Variants in REL observed in about 807,000 individuals in gnomAD.
REL encodes proto-oncogene c-Rel.
A neutral mutation model predicts 45.9 loss-of-function variants in REL; 15 were observed. That is an observed-to-expected ratio of 0.33 (90% confidence interval 0.22 to 0.50). REL has a LOEUF of 0.50. Ranked by LOEUF, REL falls within the 20% of genes least tolerant of loss-of-function variation. REL has a pLI of 0.98. For synonymous variants in REL, 239 were observed against 242.1 expected (o/e 0.99, Z 0.12); for missense variants, 601 against 715.2 (o/e 0.84, Z 1.82).
intron 2 of REL, among the ~76,000 whole-genome samples, chr2:60,893,905 C>T (rs1195720336): frequency 6.6e-6 from 1 of 152,072 alleles, no homozygotes; most frequent in East Asian, 1.9e-4. Flanking sequence ...GATTTATTGC[C>T]TATTCTAGAG....
intron 1 of REL, among the ~76,000 whole-genome samples, chr2:60,883,341 A>G (rs1235591690): frequency 6.6e-6 from 1 of 152,220 alleles, no homozygotes; most frequent in Non-Finnish European, 1.5e-5. Context: ...GGTGTTTCAC[A>G]TGACATTTGA....
intron 1 of REL, among the ~76,000 whole-genome samples, chr2:60,890,101 C>G (rs979056373): frequency 2.0e-5 from 3 of 152,216 alleles, no homozygotes; most frequent in Non-Finnish European, 4.4e-5. Context: ...CACATCCTCT[C>G]CAGCACCTGT....
chr2:60,910,287 A>C (rs944345620), intron 4 of REL, among the ~76,000 whole-genome samples: 3 of 151,792 alleles, frequency 2.0e-5, no homozygotes, highest in African/African-American at 7.3e-5. Flanking sequence ...AACAGGGTGA[A>C]ACTCCGTCTC....
chr2:60,899,965 A>G (rs1336874355), intron 3 of REL: 2 of 152,270 alleles, frequency 1.3e-5, no homozygotes, highest in African/African-American at 4.8e-5. Context: ...CACAAAACAT[A>G]TTCTACTGCT....
chr2:60,916,818 T>G, intron 4 of REL, 59 bp from the exon 5 acceptor site: 1 of 1,259,544 alleles, frequency 7.9e-7, no homozygotes, highest in Middle Eastern at 2.2e-4. Flanking sequence ...GAGGAGGACC[T>G]AGCAAGTCTT....
intron 3 of REL, chr2:60,900,294 C>T (rs1037209926): frequency 1.3e-5 from 2 of 152,302 alleles, no homozygotes; most frequent in Non-Finnish European, 2.9e-5. Context: ...CTGTGGGCTT[C>T]AACCTGTGAA....
intron 4 of REL, among the ~76,000 whole-genome samples, chr2:60,910,407 G>A (rs1673778969): frequency 6.6e-6 from 1 of 150,802 alleles, no homozygotes; most frequent in Non-Finnish European, 1.5e-5. Context: ...GGAGCTTGCA[G>A]GGAGCCAAGC....
intron 3 of REL, chr2:60,899,912 A>G (rs1385583231): frequency 6.6e-6 from 1 of 152,374 alleles, no homozygotes; most frequent in African/African-American, 2.4e-5. Flanking sequence ...AAAACATTTT[A>G]GTAATTTTTT....
intron 4 of REL, among the ~76,000 whole-genome samples, chr2:60,914,980 C>T (rs538903888): frequency 4.6e-5 from 7 of 151,950 alleles, no homozygotes; most frequent in Admixed American, 2.0e-4. Flanking sequence ...TATAGGCGCC[C>T]GCCACCACGC....
Position 60,914,873 on chromosome 2 carries a change from G to A in REL, c.395-2004G>A, listed in dbSNP as rs576779187. On this transcript the variant is annotated intron_variant, in intron 4 of 9. Coordinates refer to ENST00000394479, the MANE Select transcript of REL (RefSeq NM_001291746.2). ...TTTTGAGATGGAGTCTTGCTCTGTC[G>A]CCCAGGCTGGAGTGCAGTGGCACAA... 8.0e-4 allele frequency among the ~76,000 whole-genome samples: 111 copies of A among 139,110 alleles called. 1 individual carries two copies. The highest frequency in any genetic ancestry group is 1.3e-3 in the South Asian group (6 of 4,512). The allele number at this position is 139,110 out of a possible 152,430, so 91.3% of individuals were successfully genotyped here.
intron 3 of REL, among the ~76,000 whole-genome samples, chr2:60,898,196 C>T (rs972030748): frequency 1.1e-4 from 17 of 152,332 alleles, no homozygotes; most frequent in African/African-American, 4.1e-4. Context: ...TCCAAACCCT[C>T]TATCTTTCCT....
At chr2:60,914,827 G>GTTTT (rs1416967378) in intron 4 of REL, among the ~76,000 whole-genome samples, 2 of 130,376 alleles carry the variant, frequency 1.5e-5, no homozygotes, top group African/African-American at 5.8e-5. Flanking sequence ...CCCATAGCTT[G>GTTTT]TTTTTTTGTT....
intron 4 of REL, among the ~76,000 whole-genome samples, chr2:60,910,572 G>A (rs771589859): frequency 2.6e-5 from 4 of 151,926 alleles, no homozygotes; most frequent in South Asian, 2.1e-4. Context: ...TTTTAAACTA[G>A]TTTAAGAGGA....
In REL at chr2:60,926,043, GTC is replaced by G. The variant is rs1036206855; in HGVS notation, c.*3512_*3513del. 15 of 229,368 alleles carry G rather than the reference GTC, an allele frequency of 6.5e-5. No individual in the cohort carries two copies. The highest frequency in any genetic ancestry group is 1.1e-4 in the Non-Finnish European group (13 of 115,438). 14.2% of individuals were successfully genotyped at this position (229,368 alleles called of 1,614,324 possible). ...ATGAATTTGGTAACGTTTCTCCTCT[GTC>G]TCTACATATATTCATGCTTTCACCT... On this transcript the variant is annotated 3_prime_UTR_variant, in exon 10 of 10. Coordinates refer to ENST00000394479, the MANE Select transcript of REL (RefSeq NM_001291746.2).
chr2:60,891,169 A>G (rs1438702399), intron 1 of REL, among the ~76,000 whole-genome samples: 1 of 152,194 alleles, frequency 6.6e-6, no homozygotes, highest in African/African-American at 2.4e-5. Flanking sequence ...AAAAACTTAC[A>G]TATGCTTCTG....
chr2:60,931,263 T>C lies in REL; in HGVS notation c.*8728T>C, dbSNP rs1351734588. The C allele has an allele frequency of 6.6e-6, 1 of 152,350 alleles. No homozygotes were observed. The highest frequency in any genetic ancestry group is 2.4e-5 in the African/African-American group (1 of 41,452). The allele number at this position is 152,350 out of a possible 1,614,324, so 9.4% of individuals were successfully genotyped here. A position where few individuals can be genotyped will look rare whatever the true frequency, so the allele number is the denominator to read the frequency against. On this transcript the variant is annotated 3_prime_UTR_variant, in exon 10 of 10. Transcript: ENST00000394479. Reference sequence around the variant, plus strand: ...GTAACCAGCGTTCTTAAATGTATGGTTTTTGACCAGGTGAACCCTTTAGAA... The same window carrying C: ...GTAACCAGCGTTCTTAAATGTATGGCTTTTGACCAGGTGAACCCTTTAGAA...
At chr2:60,920,550 A>C (rs199769255) in intron 8 of REL, 24 bp from the exon 9 acceptor site, 50 of 1,532,626 alleles carry the variant, frequency 3.3e-5, no homozygotes, top group Admixed American at 1.7e-5. Flanking sequence ...GACATTTAAT[A>C]ATGGAAAAAC....
intron 1 of REL, among the ~76,000 whole-genome samples, chr2:60,887,908 TTTG>T (rs1453588714): frequency 1.3e-5 from 2 of 151,642 alleles, no homozygotes; most frequent in Non-Finnish European, 1.5e-5. Context: ...TTTGGGTTTT[TTTG>T]TTGTTGTTTT....
chr2:60,882,019 G>C lies in REL; in HGVS notation c.10+169G>C, dbSNP rs997171683. ...AAAAAAGTTACCTGCTTCAGGGTTT[G>C]CGTGCAGAATCCAAGCCACGCTCTG... On this transcript the variant is annotated intron_variant, in intron 1 of 9. Coordinates refer to ENST00000394479, the MANE Select transcript of REL (RefSeq NM_001291746.2). Among the ~76,000 whole-genome samples, 3 of 152,354 alleles carry C rather than the reference G, an allele frequency of 2.0e-5. No homozygotes were observed. In the East Asian group the frequency reaches 5.8e-4, roughly 29 times the overall value.
Sources: allele counts gnomAD v4.1 joint callset (sites outside exome capture counted in the v4.1 genomes callset), GRCh38; gene constraint gnomAD v4.1.1; transcripts MANE v1.5; gene names NCBI Gene and HGNC (gene_info 2026-07-23, HGNC 2026-07-21).